The following DCX variants were observed in gnomAD, a reference collection of about 807,000 sequenced individuals.
DCX encodes doublecortin.
A neutral mutation model predicts 20.9 loss-of-function variants in DCX; 4 were observed. That is an observed-to-expected ratio of 0.19 (90% CI 0.09 to 0.44). The LOEUF is 0.44. Among genes scored for constraint, DCX ranks in the 20% least tolerant of loss-of-function variants. DCX has a pLI of 0.99. For missense variants in DCX, 133 were observed against 296.9 expected (o/e 0.45, Z 4.06); for synonymous variants, 103 against 111.4 (o/e 0.92, Z 0.47).
intron 6 of DCX, among the ~76,000 whole-genome samples, chrX:111,303,752 C>A (rs748875567): frequency 9.0e-6 from 1 of 111,675 alleles, no homozygotes; most frequent in Admixed American, 9.5e-5. Context: ...GATTAAGAAA[C>A]AAAACAAAGG....
Position 111,331,005 on chromosome X carries a change from G to A in DCX, c.845C>T (p.Ala282Val), listed in dbSNP as rs145966634. Residue 282 changes from alanine to valine, a missense_variant, in exon 5 of 7, where the codon GCT becomes GTT. Physicochemically the swap from Ala to Val is moderately conservative, Grantham distance 64. Around this residue, in one of 2 missense-constraint regions of DCX, gnomAD observed 68 missense variants for 84.3 expected, o/e 0.81. Transcript: ENST00000636035. ...RVMKGNPSAT[A>V]GPKASPTPQK... ...AGGTGTTGGGGATGCCTTTGGGCCAGCTGTGGCTGATGGGTTTCCCTTCAT... is the reference window on the plus strand; with the variant it reads ...AGGTGTTGGGGATGCCTTTGGGCCAACTGTGGCTGATGGGTTTCCCTTCAT... The A allele has an allele frequency of 8.3e-7, 1 of 1,210,111 alleles. No homozygotes were observed. Among genetic ancestry groups the A allele is most frequent in the African/African-American group, 1.7e-5 (1 of 57,267 alleles).
At chrX:111,376,201 T>A (rs1925519203) in intron 3 of DCX, among the ~76,000 whole-genome samples, 1 of 111,859 alleles carries the variant, frequency 8.9e-6, no homozygotes, top group South Asian at 3.8e-4. Flanking sequence ...CAGATTGAGG[T>A]GTGTCCTTAG....
intron 3 of DCX, among the ~76,000 whole-genome samples, chrX:111,339,353 G>A (rs1457991583): frequency 9.0e-6 from 1 of 110,781 alleles, no homozygotes; most frequent in Non-Finnish European, 1.9e-5. Context: ...ATGGGTTAAT[G>A]GATTAATGAG....
chrX:111,328,220 G>A, intron 5 of DCX, among the ~76,000 whole-genome samples: 1 of 110,660 alleles, frequency 9.0e-6, no homozygotes, highest in Non-Finnish European at 1.9e-5. Flanking sequence ...TTTTTTTTTA[G>A]TGAAGGAGTT....
intron 3 of DCX, among the ~76,000 whole-genome samples, chrX:111,393,437 TGACCCCAAGG>T (rs1186893441): frequency 9.0e-6 from 1 of 111,665 alleles, no homozygotes; most frequent in Non-Finnish European, 1.9e-5. Flanking sequence ...TTCTTAGATA[TGACCCCAAGG>T]TATAATGCAT....
In DCX at chrX:111,362,901, G is replaced by A. The variant is rs775299046; in HGVS notation, c.706-29748C>T. On this transcript the variant is annotated intron_variant, in intron 3 of 6. Transcript: ENST00000636035. ...TATGTGATAGATACCTGTGCTAAGTGCTGGGAATTCACTAATGAACAAAAT... is the reference window on the plus strand; with the variant it reads ...TATGTGATAGATACCTGTGCTAAGTACTGGGAATTCACTAATGAACAAAAT... Among the ~76,000 whole-genome samples, 3 of 111,701 alleles carry A rather than the reference G, an allele frequency of 2.7e-5. No homozygotes were observed. The South Asian group carries it at 1.1e-3, about 42-fold the overall frequency.
rs1200938296 is a variant in DCX at position 111,299,852 on chromosome X, T to A, written c.*1835A>T. 1 of 111,670 alleles carries A rather than the reference T, an allele frequency of 9.0e-6. No individual in the cohort carries two copies. Among genetic ancestry groups the A allele is most frequent in the African/African-American group, 3.3e-5 (1 of 30,673 alleles). 9.2% of individuals were successfully genotyped at this position (111,670 alleles called of 1,213,427 possible). ...CTGGTAGCTACAGACATCTGAAGCT[T>A]GTCTAGGGGCATCTGAGCTACCCCA... On this transcript the variant is annotated 3_prime_UTR_variant, in exon 7 of 7. Coordinates refer to ENST00000636035, the MANE Select transcript of DCX (RefSeq NM_001195553.2).
At chrX:111,301,895 C>G in intron 6 of DCX, 152 bp from the exon 7 acceptor site, 1 of 537,729 alleles carries the variant, frequency 1.9e-6, no homozygotes, top group Non-Finnish European at 3.1e-6. Flanking sequence ...AGGGAGGTAC[C>G]CTTGTACCAA....
intron 3 of DCX, among the ~76,000 whole-genome samples, chrX:111,359,672 G>A (rs747589422): frequency 8.9e-6 from 1 of 111,798 alleles, no homozygotes; most frequent in African/African-American, 3.2e-5. Flanking sequence ...TTTTTAAAAA[G>A]AACAAACAGT....
chrX:111,322,773 T>C (rs1415722325), intron 5 of DCX, among the ~76,000 whole-genome samples: 1 of 112,527 alleles, frequency 8.9e-6, no homozygotes, highest in African/African-American at 3.2e-5. Context: ...AGTTCTTCAA[T>C]GATTTGATCA....
intron 3 of DCX, among the ~76,000 whole-genome samples, chrX:111,383,265 A>G (rs1162981505): frequency 8.9e-6 from 1 of 111,843 alleles, no homozygotes; most frequent in Non-Finnish European, 1.9e-5. Flanking sequence ...ACCCCCAGCT[A>G]TAGATTTATG....
chrX:111,359,504 C>T (rs1418186640), intron 3 of DCX, among the ~76,000 whole-genome samples: 1 of 111,324 alleles, frequency 9.0e-6, no homozygotes, highest in Admixed American at 9.6e-5. Flanking sequence ...GACCCAAAAC[C>T]GAAGCCATAA....
chrX:111,321,656 A>T (rs906874114), intron 5 of DCX, among the ~76,000 whole-genome samples: 1 of 111,262 alleles, frequency 9.0e-6, no homozygotes, highest in Non-Finnish European at 1.9e-5. Flanking sequence ...CCAAGGACAG[A>T]GTGGGGTCAC....
chrX:111,390,708 C>T (rs1926865059), intron 3 of DCX, among the ~76,000 whole-genome samples: 1 of 111,216 alleles, frequency 9.0e-6, no homozygotes, highest in Admixed American at 9.6e-5. Context: ...GCTTAAAATC[C>T]TTCAGTGGGG....
chrX:111,343,446 GAAAA>G (rs371125870), intron 3 of DCX, among the ~76,000 whole-genome samples: 2 of 47,558 alleles, frequency 4.2e-5, no homozygotes, highest in Non-Finnish European at 8.7e-5. Context: ...TACCAACCAA[GAAAA>G]AAAAAAAAAA....
intron 5 of DCX, among the ~76,000 whole-genome samples, chrX:111,325,690 T>C (rs2095098196): frequency 1.8e-5 from 2 of 112,185 alleles, no homozygotes; most frequent in Non-Finnish European, 3.8e-5. Context: ...TAGTCAGAAC[T>C]GAGATACGTT....
Position 111,295,669 on chromosome X carries a change from C to T in DCX, c.*6018G>A, listed in dbSNP as rs1348653801. On this transcript the variant is annotated 3_prime_UTR_variant, in exon 7 of 7. Coordinates refer to ENST00000636035, the MANE Select transcript of DCX (RefSeq NM_001195553.2). The stretch of plus-strand genomic sequence containing the variant: ...AACAAAATCAATTATTAGTATTTAG[C>T]TGATATAAATCCATGGGTGGATTTT... The T allele has an allele frequency of 8.9e-6, 1 of 112,092 alleles. No individual in the cohort carries two copies. The highest frequency in any genetic ancestry group is 1.9e-5 in the Non-Finnish European group (1 of 53,227). 9.2% of individuals were successfully genotyped at this position (112,092 alleles called of 1,213,427 possible).
chrX:111,364,409 T>C (rs1924444980), intron 3 of DCX, among the ~76,000 whole-genome samples: 1 of 112,308 alleles, frequency 8.9e-6, no homozygotes, highest in African/African-American at 3.2e-5. Context: ...AAGATACTAT[T>C]TCTCAACTAT....
intron 3 of DCX, among the ~76,000 whole-genome samples, chrX:111,363,675 T>A (rs1002837429): frequency 1.8e-5 from 2 of 111,337 alleles, no homozygotes; most frequent in African/African-American, 6.5e-5. Flanking sequence ...GCTTTCCATC[T>A]AGTTTTATTC....
Sources: gnomAD v4.1 joint callset for allele counts (sites outside exome capture counted in the v4.1 genomes callset) on GRCh38, gnomAD v4.1.1 for gene constraint, gnomAD v4.1.1 regional missense constraint, MANE v1.5 for transcripts, NCBI Gene and HGNC (gene_info 2026-07-23, HGNC 2026-07-21) for gene names.